The following GABBR2 variants were observed in gnomAD, a reference collection of about 807,000 sequenced individuals.
The protein encoded by GABBR2 is G-protein coupled receptor 51.
A neutral mutation model predicts 105.6 loss-of-function variants in GABBR2; 23 were observed. The observed-to-expected ratio is 0.22, with a 90% CI of 0.16 to 0.31. The LOEUF (loss-of-function observed/expected upper bound fraction) is 0.31. GABBR2 is among the 10% of genes least tolerant of loss of function. The pLI, the probability that GABBR2 is intolerant of heterozygous loss-of-function variation, is 1.00. For missense variants in GABBR2, 734 were observed against 1,245.5 expected (o/e 0.59, Z 6.18); for synonymous variants, 478 against 499.7 (o/e 0.96, Z 0.58).
chr9:98,658,585 A>T (rs755955377), intron 1 of GABBR2, among the ~76,000 whole-genome samples: 14 of 150,234 alleles, frequency 9.3e-5, no homozygotes, highest in Non-Finnish European at 1.5e-4. Context: ...GCACTCTCAC[A>T]CAAAGACCAG....
chr9:98,665,128 G>A (rs1189278848), intron 1 of GABBR2, among the ~76,000 whole-genome samples: 1 of 152,086 alleles, frequency 6.6e-6, no homozygotes, highest in South Asian at 2.1e-4. Flanking sequence ...AATTAGCCCA[G>A]TGTGGTGGCA....
chr9:98,464,223 G>A (rs1277084888), intron 6 of GABBR2, among the ~76,000 whole-genome samples: 1 of 151,894 alleles, frequency 6.6e-6, no homozygotes, highest in African/African-American at 2.4e-5. Context: ...CATCTGGGAT[G>A]TGAGGAGCGC....
In GABBR2 at chr9:98,577,199, A is replaced by AATGGATGGATGGATGG. The variant is rs766802691; in HGVS notation, c.459+720_459+735dup. Among the ~76,000 whole-genome samples, 29 of 111,410 alleles carry AATGGATGGATGGATGG rather than the reference A, an allele frequency of 2.6e-4. 2 individuals carry two copies. The South Asian group carries it at 3.8e-3, about 15-fold the overall frequency. 73.1% of individuals were successfully genotyped at this position (111,410 alleles called of 152,430 possible). ...GAACATATGGATGGATGGATAGGTGAATGGATGGATGGATGGATGGATGGA... is the reference window on the plus strand; with the variant it reads ...GAACATATGGATGGATGGATAGGTGAATGGATGGATGGATGGATGGATGGATGGATGGATGGATGGA... On this transcript the variant is annotated intron_variant, in intron 2 of 18. Transcript: ENST00000259455.
chr9:98,588,746 C>A lies in GABBR2; in HGVS notation c.322-10674G>T, dbSNP rs182116482. 2.4e-3 allele frequency among the ~76,000 whole-genome samples: 362 copies of A among 152,220 alleles called. 8 individuals are homozygous for A. The highest frequency in any genetic ancestry group is 0.02 in the Admixed American group (299 of 15,282). On this transcript the variant is annotated intron_variant, in intron 1 of 18. Transcript: ENST00000259455. ...AAGACTACATTTCCCAGCCCCTCCC[C>A]CCGACAATTAGGTGTGACCACCGAG...
At chr9:98,400,184 C>CT (rs552889618) in intron 8 of GABBR2, among the ~76,000 whole-genome samples, 1,459 of 136,268 alleles carry the variant, frequency 0.011, 14 homozygotes, top group Non-Finnish European at 0.014. Context: ...GAGACCCTGC[C>CT]TTTTTTTTTT....
intron 1 of GABBR2, among the ~76,000 whole-genome samples, chr9:98,623,057 T>C (rs1829690303): frequency 6.6e-6 from 1 of 151,876 alleles, no homozygotes; most frequent in African/African-American, 2.4e-5. Context: ...AGGCAAAGAG[T>C]ATGTGGGAAA....
At chr9:98,589,843 T>C (rs1464381209) in intron 1 of GABBR2, among the ~76,000 whole-genome samples, 1 of 151,794 alleles carries the variant, frequency 6.6e-6, no homozygotes, top group Non-Finnish European at 1.5e-5. Context: ...GCCTCCTGAG[T>C]ACCTGGGACC....
At position 98,647,599 on chromosome 9, in the gene GABBR2, C is replaced by G. The variant is rs371629193; in HGVS notation, c.321+60818G>C. Among the ~76,000 whole-genome samples, 43 of 152,310 alleles carry G rather than the reference C, an allele frequency of 2.8e-4. 2 individuals carry two copies. In the South Asian group the frequency reaches 8.7e-3, roughly 31 times the overall value. ...ACCTGGCCCCGAGCCTGGCACCCGA[C>G]GGGTTGTGCCCTATCCCCCTGGATA... On this transcript the variant is annotated intron_variant, in intron 1 of 18. Transcript: ENST00000259455.
At chr9:98,529,657 A>G (rs1828028641) in intron 3 of GABBR2, among the ~76,000 whole-genome samples, 1 of 152,234 alleles carries the variant, frequency 6.6e-6, no homozygotes, top group Non-Finnish European at 1.5e-5. Context: ...AATAACCACA[A>G]AAAAGAACTT....
At chr9:98,369,744 AGAG>A (rs1831745450) in intron 12 of GABBR2, among the ~76,000 whole-genome samples, 1 of 147,364 alleles carries the variant, frequency 6.8e-6, no homozygotes, top group Non-Finnish European at 1.5e-5. Flanking sequence ...GAGGATCTGC[AGAG>A]GAGGTGTTGG....
intron 8 of GABBR2, among the ~76,000 whole-genome samples, chr9:98,400,369 A>T (rs1380165982): frequency 6.6e-6 from 1 of 152,180 alleles, no homozygotes; most frequent in Non-Finnish European, 1.5e-5. Flanking sequence ...AAAATGAGGG[A>T]TCCAGGAAAT....
At chr9:98,421,938 C>T (rs1009811232) in intron 7 of GABBR2, among the ~76,000 whole-genome samples, 2 of 152,118 alleles carry the variant, frequency 1.3e-5, no homozygotes, top group African/African-American at 4.8e-5. Context: ...AACAAAACTT[C>T]CAAAGCACAA....
chr9:98,360,251 C>G (rs997796009), intron 13 of GABBR2, among the ~76,000 whole-genome samples: 3 of 152,156 alleles, frequency 2.0e-5, no homozygotes, highest in African/African-American at 4.8e-5. Context: ...GTTCAACTAC[C>G]CTGTTGTGTC....
At chr9:98,584,119 C>G (rs992754807) in intron 1 of GABBR2, among the ~76,000 whole-genome samples, 3 of 152,174 alleles carry the variant, frequency 2.0e-5, no homozygotes, top group Non-Finnish European at 4.4e-5. Flanking sequence ...CTTTATCATG[C>G]TCTCCTTTCC....
Position 98,374,704 on chromosome 9 carries a change from G to A in GABBR2, c.1663-3133C>T, listed in dbSNP as rs80073480. On this transcript the variant is annotated intron_variant, in intron 11 of 18. Coordinates refer to ENST00000259455, the MANE Select transcript of GABBR2 (RefSeq NM_005458.8). ...CATGTGGTCGCTACTCATTGCTGGG[G>A]GACTTAAGCGTGTCCTGTGCTCCTC... 3.4e-3 allele frequency among the ~76,000 whole-genome samples: 517 copies of A among 152,278 alleles called. 5 individuals are homozygous for A. Among genetic ancestry groups the A allele is most frequent in the African/African-American group, 0.012 (488 of 41,560 alleles).
chr9:98,298,501 A>G (rs900731583), intron 17 of GABBR2, among the ~76,000 whole-genome samples: 18 of 152,248 alleles, frequency 1.2e-4, no homozygotes, highest in African/African-American at 4.3e-4. Context: ...GAGCATTTAG[A>G]CAGTGCTAGA....
At chr9:98,672,410 A>G (rs956389284) in intron 1 of GABBR2, among the ~76,000 whole-genome samples, 7 of 152,252 alleles carry the variant, frequency 4.6e-5, no homozygotes, top group African/African-American at 1.7e-4. Context: ...GAGAACACAG[A>G]AATATTTTTT....
At chr9:98,609,070 T>A (rs1407932963) in intron 1 of GABBR2, among the ~76,000 whole-genome samples, 1 of 152,220 alleles carries the variant, frequency 6.6e-6, no homozygotes, top group Non-Finnish European at 1.5e-5. Context: ...TTAGCTGTAA[T>A]CATATATTGC....
At chr9:98,640,768 G>C (rs1352294068) in intron 1 of GABBR2, among the ~76,000 whole-genome samples, 1 of 152,150 alleles carries the variant, frequency 6.6e-6, no homozygotes, top group Non-Finnish European at 1.5e-5. Context: ...GCAGTAGTCA[G>C]GCTCTGCAAG....
Sources: allele counts gnomAD v4.1 joint callset (sites outside exome capture counted in the v4.1 genomes callset), GRCh38; gene constraint gnomAD v4.1.1; transcripts MANE v1.5; gene names NCBI Gene and HGNC (gene_info 2026-07-23, HGNC 2026-07-21).